EPHB4: variants seen among roughly 807,000 people sequenced by gnomAD.
The protein encoded by EPHB4 is EPH receptor B4, also known as ephrin type-B receptor 4.
Under a neutral mutation model 110.6 loss-of-function variants are expected in EPHB4, and 50 were observed. The ratio of observed to expected loss-of-function variants is 0.45; its 90% CI spans 0.36 to 0.57. The LOEUF (loss-of-function observed/expected upper bound fraction) is 0.57. EPHB4 is among the 20% of genes least tolerant of loss of function. EPHB4 has a pLI of 0.00. For synonymous variants in EPHB4, 592 were observed against 578.4 expected (o/e 1.02, Z -0.34); for missense variants, 1,128 against 1,382.1 (o/e 0.82, Z 2.91).
chr7:100,806,326 C>T, intron 14 of EPHB4, 94 bp downstream of exon 14: 1 of 1,453,506 alleles, frequency 6.9e-7, no homozygotes, highest in Non-Finnish European at 9.3e-7. Context: ...CTCAAGAACC[C>T]AGCAGTGATG....
intron 2 of EPHB4, 28 bp from the exon 3 acceptor site, chr7:100,823,959 G>T (rs752971013): frequency 5.8e-6 from 9 of 1,551,346 alleles, no homozygotes; most frequent in East Asian, 2.4e-5. Flanking sequence ...TCAGCAAGGG[G>T]GCTGGGGAGC....
At chr7:100,824,054 C>A (rs1338648007) in intron 2 of EPHB4, 123 bp from the exon 3 acceptor site, 11 of 1,521,862 alleles carry the variant, frequency 7.2e-6, no homozygotes, top group Admixed American at 1.9e-5. Flanking sequence ...GAGGAGGGCG[C>A]CTCTGAGAAG....
intron 16 of EPHB4, 61 bp from the exon 17 acceptor site, chr7:100,803,651 T>G (rs1812750264): frequency 6.6e-7 from 1 of 1,521,410 alleles, no homozygotes; most frequent in Non-Finnish European, 8.9e-7. Flanking sequence ...TCTCCTCTCT[T>G]GGCTCCTGAG....
At chr7:100,824,505 C>A in intron 1 of EPHB4, 1 of 547,392 alleles carries the variant, frequency 1.8e-6, no homozygotes. Context: ...TTGGGATACC[C>A]CAGATCTAGG....
intron 10 of EPHB4, 106 bp from the exon 11 acceptor site, chr7:100,813,314 T>TC: frequency 3.0e-4 from 258 of 863,956 alleles, no homozygotes; most frequent in Middle Eastern, 1.5e-3. Context: ...TGGTTTTTTT[T>TC]TTTTTTTTTT....
chr7:100,821,486 G>A (rs936319742), intron 4 of EPHB4, among the ~76,000 whole-genome samples: 8 of 151,362 alleles, frequency 5.3e-5, no homozygotes, highest in Non-Finnish European at 8.8e-5. Context: ...GAAATTAGCC[G>A]GGCGTGGTGG....
At chr7:100,819,008 G>A (rs910437562) in intron 6 of EPHB4, among the ~76,000 whole-genome samples, 13 of 152,146 alleles carry the variant, frequency 8.5e-5, no homozygotes, top group Admixed American at 2.6e-4. Context: ...CCCCCTGGCT[G>A]TTTCGAGAAT....
intron 1 of EPHB4, chr7:100,824,474 T>A: frequency 3.4e-6 from 2 of 588,638 alleles, no homozygotes; most frequent in South Asian, 4.0e-5. Context: ...ACCCCCAACA[T>A]CTGGTAGGCA....
chr7:100,820,792 C>T (rs1813206599), intron 4 of EPHB4, among the ~76,000 whole-genome samples: 1 of 152,038 alleles, frequency 6.6e-6, no homozygotes, highest in Admixed American at 6.6e-5. Context: ...AGCAGCAAGT[C>T]TCCTAACATC....
At position 100,813,195 on chromosome 7, in the gene EPHB4, G is replaced by A. The variant is rs745697749; in HGVS notation, c.1770C>T (p.Tyr590=). The part of the protein sequence containing the change: ...QYLIGHGTKV[Y]IDPFTYEDPN... ...GGTCTTCATAAGTGAAGGGGTCGATGTAGACCTTAGTACCTGAGAAATCAG... is the reference window on the plus strand; with the variant it reads ...GGTCTTCATAAGTGAAGGGGTCGATATAGACCTTAGTACCTGAGAAATCAG... The change falls in exon 11 of 17, where the codon TAC becomes TAT. Residue 590 remains tyrosine (Y), a synonymous_variant. Transcript: ENST00000358173. The A allele has an allele frequency of 1.1e-5, 18 of 1,602,010 alleles. No homozygotes were observed. The highest frequency in any genetic ancestry group is 3.3e-5 in the Admixed American group (2 of 59,922).
chr7:100,821,325 T>A (rs1316384218), intron 4 of EPHB4: 1 of 151,694 alleles, frequency 6.6e-6, no homozygotes, highest in African/African-American at 2.4e-5. Context: ...GTCGCCCAGA[T>A]AATTATCTAA....
chr7:100,817,102 AAAG>A, intron 8 of EPHB4, 87 bp downstream of exon 8: 10 of 1,202,482 alleles, frequency 8.3e-6, no homozygotes, highest in South Asian at 2.0e-5. Context: ...AAAAAAAAAA[AAAG>A]ATGATGGGAC....
At chr7:100,814,914 G>A (rs1006760251) in intron 8 of EPHB4, among the ~76,000 whole-genome samples, 3 of 152,142 alleles carry the variant, frequency 2.0e-5, no homozygotes, top group Non-Finnish European at 2.9e-5. Flanking sequence ...ATACTCAGGA[G>A]GCTGAGGTAG....
At chr7:100,815,933 A>G (rs1813055456) in intron 8 of EPHB4, among the ~76,000 whole-genome samples, 1 of 152,138 alleles carries the variant, frequency 6.6e-6, no homozygotes, top group African/African-American at 2.4e-5. Flanking sequence ...GGCTGCAATG[A>G]GCTATGATGG....
intron 10 of EPHB4, 165 bp downstream of exon 10, chr7:100,813,487 T>C (rs1812995110): frequency 1.3e-6 from 1 of 760,474 alleles, no homozygotes; most frequent in Non-Finnish European, 2.2e-6. Flanking sequence ...GGCTGACTGA[T>C]GTATTTTTTA....
At chr7:100,803,703 G>C in intron 16 of EPHB4, 113 bp from the exon 17 acceptor site, 1 of 1,313,606 alleles carries the variant, frequency 7.6e-7, no homozygotes, top group Non-Finnish European at 9.9e-7. Flanking sequence ...AGAAAAGCCA[G>C]CGGGGGAGGG....
rs149193110 is a variant in EPHB4 at position 100,810,785 on chromosome 7, G to A, written c.2118+1962C>T. 8.8e-3 allele frequency among the ~76,000 whole-genome samples: 1,340 copies of A among 152,146 alleles called. 30 individuals carry two copies. Among genetic ancestry groups the A allele is most frequent in the African/African-American group, 0.031 (1,274 of 41,516 alleles). ...AATATATATAATAACCAGGTACAAA[G>A]CCCGGTCTTGAACTGGATCCTGGTT... is the stretch of plus-strand genomic sequence containing the variant. On this transcript the variant is annotated intron_variant, in intron 12 of 16. Coordinates refer to ENST00000358173, the MANE Select transcript of EPHB4 (RefSeq NM_004444.5).
chr7:100,824,121 G>C, intron 2 of EPHB4, 82 bp downstream of exon 2: 1 of 1,585,428 alleles, frequency 6.3e-7, no homozygotes, highest in Non-Finnish European at 8.7e-7. Context: ...GAGAGGAGTG[G>C]CACACAGAAA....
chr7:100,826,257 GTGGGGGCTGTGTAGGTCAGTTTCTACC>G (rs1247277237), intron 1 of EPHB4, among the ~76,000 whole-genome samples: 189 of 152,250 alleles, frequency 1.2e-3, no homozygotes, highest in Non-Finnish European at 1.8e-3. Context: ...TTAGGGCGAT[GTGGGGGCTGTGTAGGTCAGTTTCTACC>G]TGGGGGCTGT....
Sources: gnomAD v4.1 joint callset for allele counts (sites outside exome capture counted in the v4.1 genomes callset) on GRCh38, gnomAD v4.1.1 for gene constraint, MANE v1.5 for transcripts, NCBI Gene and HGNC (gene_info 2026-07-23, HGNC 2026-07-21) for gene names.